The following MAG variants were observed in gnomAD, a reference collection of about 807,000 sequenced individuals.
MAG encodes myelin-associated glycoprotein.
In MAG, 30 loss-of-function variants were observed where a neutral mutation model predicts 60.7. The ratio of observed to expected loss-of-function variants is 0.49; its 90% CI spans 0.37 to 0.67. The LOEUF (loss-of-function observed/expected upper bound fraction) is 0.67, where lower values mean the gene tolerates loss of function less well. Ranked by LOEUF, MAG falls within the 30% of genes least tolerant of loss-of-function variation. MAG has a pLI of 0.00. For synonymous variants in MAG, 384 were observed against 376.8 expected (o/e 1.02, Z -0.22); for missense variants, 795 against 851.7 (o/e 0.93, Z 0.83).
At position 35,300,326 on chromosome 19, in the gene MAG, G is replaced by C. The variant is rs199823976; in HGVS notation, c.892G>C (p.Ala298Pro). 2 of 1,599,080 alleles carry C rather than the reference G, an allele frequency of 1.3e-6. No homozygotes were observed. Among genetic ancestry groups the C allele is most frequent in the African/African-American group, 1.3e-5 (1 of 75,038 alleles). ...LLLELEEVTP[A>P]EDGVYACLAE... ...CCTGGAGCTGGAGGAGGTGACCCCC[G>C]CCGAAGACGGCGTCTATGCCTGCCT... Residue 298 changes from alanine to proline, a missense_variant, in exon 6 of 11, where the codon GCC becomes CCC. Transcript: ENST00000392213.
chr19:35,295,462 C>T lies in MAG; in HGVS notation c.46+8C>T. The T allele has an allele frequency of 8.1e-6, 13 of 1,614,064 alleles. No homozygotes were observed. Among genetic ancestry groups the T allele is most frequent in the Non-Finnish European group, 1.0e-5 (12 of 1,179,994 alleles). Reference sequence around the variant, plus strand: ...TCTGGATTATGATTTCAGGTAACGGCTGACAGGTGCTGGGGACCTAAAGGC... The same window carrying T: ...TCTGGATTATGATTTCAGGTAACGGTTGACAGGTGCTGGGGACCTAAAGGC... On this transcript the variant is annotated splice_region_variant and intron_variant, in intron 3 of 10. Transcript: ENST00000392213. The surrounding 1 kb of genome is among the most constrained non-coding windows in gnomAD (Gnocchi z 5.8).
intron 7 of MAG, among the ~76,000 whole-genome samples, chr19:35,302,920 T>TA: frequency 6.8e-6 from 1 of 147,710 alleles, no homozygotes; most frequent in East Asian, 2.0e-4. Context: ...GGCTTTTTTT[T>TA]TTTTTTTTTT....
intron 6 of MAG, 75 bp downstream of exon 6, chr19:35,300,479 C>A (rs1431809358): frequency 6.8e-7 from 1 of 1,479,438 alleles, no homozygotes; most frequent in African/African-American, 1.4e-5. Flanking sequence ...TCATCCAGGG[C>A]GAGCATGGGC....
intron 4 of MAG, among the ~76,000 whole-genome samples, chr19:35,298,711 C>T (rs180754344): frequency 4.8e-4 from 73 of 150,778 alleles, no homozygotes; most frequent in Non-Finnish European, 4.7e-4. Context: ...ACTCACACCA[C>T]ACAAACCACA....
At chr19:35,302,958 C>G (rs765842759) in intron 7 of MAG, among the ~76,000 whole-genome samples, 1 of 125,420 alleles carries the variant, frequency 8.0e-6, no homozygotes, top group Non-Finnish European at 1.6e-5. Context: ...GAGTCTTGCT[C>G]TGTCACCTAG....
At chr19:35,303,617 G>A (rs1408512850) in intron 7 of MAG, among the ~76,000 whole-genome samples, 5 of 152,160 alleles carry the variant, frequency 3.3e-5, no homozygotes, top group East Asian at 1.9e-4. Context: ...AAGGCTGTGC[G>A]GCTCTGTGAG....
At chr19:35,300,740 T>C (rs1020668911) in intron 6 of MAG, among the ~76,000 whole-genome samples, 2 of 152,246 alleles carry the variant, frequency 1.3e-5, no homozygotes, top group Admixed American at 6.5e-5. Flanking sequence ...CTTTATAAAA[T>C]TTTTTTGGAG....
At chr19:35,296,134 C>A (rs1008466418) in intron 4 of MAG, among the ~76,000 whole-genome samples, 153 bp downstream of exon 4, 6 of 152,178 alleles carry the variant, frequency 3.9e-5, no homozygotes. Flanking sequence ...TCAAGGCCCA[C>A]GCAGACCATG....
At chr19:35,300,447 G>T (rs1427343400) in intron 6 of MAG, 43 bp downstream of exon 6, 1 of 1,519,378 alleles carries the variant, frequency 6.6e-7, no homozygotes, top group South Asian at 1.2e-5. Flanking sequence ...ACCTGCAGCC[G>T]AGAGATAAAG....
In MAG at chr19:35,300,502, G is replaced by C. The variant is rs2066441420; in HGVS notation, c.970+98G>C. The stretch of plus-strand genomic sequence containing the variant: ...GGCGAGCATGGGCTGGGTCCCGAGG[G>C]GACCGGCCATAAACAGTCGAGGCCA... On this transcript the variant is annotated intron_variant, in intron 6 of 10. Coordinates refer to ENST00000392213, the MANE Select transcript of MAG (RefSeq NM_002361.4). The C allele has an allele frequency of 5.6e-6, 8 of 1,437,122 alleles. No individual in the cohort carries two copies. In the South Asian group the frequency reaches 8.7e-5, roughly 16 times the overall value. The allele number at this position is 1,437,122 out of a possible 1,614,324, so 89.0% of individuals were successfully genotyped here.
rs1342372968 is a variant in MAG, at chr19:35,295,859, G to A, written c.293G>A (p.Arg98Gln). ...RSRLLGDLGL[R>Q]NCTLLLSNVS... ...CGCCTCCTGGGGGACCTGGGCCTGC[G>A]AAACTGCACCCTCCTGCTCAGCAAC... Residue 98 changes from arginine (R) to glutamine (Q), a missense_variant, in exon 4 of 11, where the codon CGA becomes CAA. By Grantham distance (43) the Arg-to-Gln change is conservative. Coordinates refer to ENST00000392213, the MANE Select transcript of MAG (RefSeq NM_002361.4). The surrounding 1 kb of genome is among the most constrained non-coding windows in gnomAD (Gnocchi z 5.8). 6.2e-6 allele frequency: 10 copies of A among 1,613,982 alleles called. No individual in the cohort carries two copies. Among genetic ancestry groups the A allele is most frequent in the East Asian group, 2.2e-5 (1 of 44,886 alleles).
chr19:35,302,558 A>T lies in MAG; in HGVS notation c.1081A>T (p.Lys361Ter). 6.2e-7 allele frequency: 1 copy of T among 1,614,182 alleles called. No homozygotes were observed. The highest frequency in any genetic ancestry group is 8.5e-7 in the Non-Finnish European group (1 of 1,180,034). ...CCCGGACCCTATTCTCACCATCTTC[A>T]AGGAGAAGCAGATCCTGTCCACGGT... ...SNPDPILTIF[K>*]EKQILSTVIY... is the part of the protein sequence containing the mutation. Residue 361 changes from lysine to a stop codon, truncating the protein, a stop_gained, in exon 7 of 11, where the codon AAG becomes TAG. Coordinates refer to ENST00000392213, the MANE Select transcript of MAG (RefSeq NM_002361.4). LOFTEE classifies it high-confidence loss of function.
In MAG at chr19:35,313,463, G is replaced by C; in HGVS notation, c.*9G>C. ...AAATCCGGGTCAAGTGAAGGAGCTG[G>C]GGGCAGCCTGCGTGGCTGACCCCCC... is the stretch of plus-strand genomic sequence containing the variant. On this transcript the variant is annotated 3_prime_UTR_variant, in exon 11 of 11. Coordinates refer to ENST00000392213, the MANE Select transcript of MAG (RefSeq NM_002361.4). The C allele has an allele frequency of 1.2e-6, 2 of 1,607,400 alleles. No homozygotes were observed. The highest frequency in any genetic ancestry group is 1.7e-6 in the Non-Finnish European group (2 of 1,177,004).
intron 4 of MAG, among the ~76,000 whole-genome samples, chr19:35,296,268 G>A (rs1195995912): frequency 6.6e-6 from 1 of 152,268 alleles, no homozygotes; most frequent in African/African-American, 2.4e-5. Flanking sequence ...GTAGGGGCAA[G>A]GCTGCTGGGC....
chr19:35,296,057 C>G (rs923665477), intron 4 of MAG, 76 bp downstream of exon 4: 1 of 1,502,352 alleles, frequency 6.7e-7, no homozygotes, highest in African/African-American at 1.4e-5. Flanking sequence ...GAAGGCCTCC[C>G]CGCACCTTCC....
In MAG at chr19:35,310,065, A is replaced by G; in HGVS notation, c.1423A>G (p.Thr475Ala). 6.2e-7 allele frequency: 1 copy of G among 1,613,428 alleles called. No individual in the cohort carries two copies. Among genetic ancestry groups the G allele is most frequent in the Non-Finnish European group, 8.5e-7 (1 of 1,179,848 alleles). ...RSGLVLTSIL[T>A]LRGQAQAPPR... ...CGGCCTCGTGCTCACCAGCATCCTCACGCTGCGGGGGCAGGCCCAGGCCCC... is the reference window on the plus strand; with the variant it reads ...CGGCCTCGTGCTCACCAGCATCCTCGCGCTGCGGGGGCAGGCCCAGGCCCC... Residue 475 changes from threonine to alanine, a missense_variant, in exon 8 of 11, where the codon ACG becomes GCG. Physicochemically the swap from Thr to Ala is moderately conservative, Grantham distance 58. Transcript: ENST00000392213.
intron 7 of MAG, among the ~76,000 whole-genome samples, chr19:35,308,541 G>A (rs1234289892): frequency 1.3e-5 from 2 of 152,062 alleles, no homozygotes; most frequent in African/African-American, 4.8e-5. Context: ...AGACCAGCAT[G>A]GGGAACATAG....
chr19:35,299,837 C>G lies in MAG; in HGVS notation c.699C>G (p.Ser233Arg), dbSNP rs1348797051. ...CCCTGCAGTTCGAGGGCTACGCCAG[C>G]ATGGACGTCAAGTGTGAGCCTGGGT... ...NTTLQFEGYA[S>R]MDVKYPPVIV... is the part of the protein sequence containing the mutation. The change falls in exon 5 of 11, where the codon AGC becomes AGG. Residue 233 changes from serine (S) to arginine (R), a missense_variant. By Grantham distance (110) the Ser-to-Arg change is moderately radical. Coordinates refer to ENST00000392213, the MANE Select transcript of MAG (RefSeq NM_002361.4). The G allele has an allele frequency of 3.5e-6, 5 of 1,444,136 alleles. No homozygotes were observed. The highest frequency in any genetic ancestry group is 4.6e-6 in the Non-Finnish European group (5 of 1,090,798). The allele number at this position is 1,444,136 out of a possible 1,614,324, so 89.5% of individuals were successfully genotyped here.
rs1483286625 is a variant in MAG at position 35,299,867 on chromosome 19, G to A, written c.712+17G>A. The A allele has an allele frequency of 5.0e-6, 6 of 1,191,502 alleles. No individual in the cohort carries two copies. In the African/African-American group the frequency reaches 8.2e-5, roughly 16 times the overall value. The allele number at this position is 1,191,502 out of a possible 1,614,324, so 73.8% of individuals were successfully genotyped here. On this transcript the variant is annotated intron_variant, in intron 5 of 10. Transcript: ENST00000392213. ...ACGTCAAGTGTGAGCCTGGGTGCGG[G>A]CGGGGCGGGGTGGGGCGGGGTGGGG...
Sources: allele counts gnomAD v4.1 joint callset (sites outside exome capture counted in the v4.1 genomes callset), GRCh38; gene constraint gnomAD v4.1.1; non-coding constraint Gnocchi (gnomAD v3.1); transcripts MANE v1.5; gene names NCBI Gene and HGNC (gene_info 2026-07-23, HGNC 2026-07-21).